LRRC37A: variants seen among roughly 807,000 people sequenced by gnomAD.
The protein encoded by LRRC37A is leucine-rich repeat-containing protein 37A.
LRRC37A carries 3 observed loss-of-function variants against 35.4 expected under a neutral mutation model. The observed-to-expected ratio is 0.08, with a 90% CI of 0.04 to 0.22. LRRC37A has a LOEUF of 0.22. Among genes scored for constraint, LRRC37A ranks in the 10% least tolerant of loss-of-function variants. The probability of loss-of-function intolerance (pLI) is 1.00; values close to 1 mark genes in which losing one functional copy is unlikely to be tolerated. For missense variants in LRRC37A, 67 were observed against 565.3 expected (o/e 0.12, Z 8.94); for synonymous variants, 23 against 215.0 (o/e 0.11, Z 7.81).
chr17:46,289,783 TA>T (rs1327895335), upstream of LRRC37A, among the ~76,000 whole-genome samples: 1 of 152,256 alleles, frequency 6.6e-6, no homozygotes, highest in Non-Finnish European at 1.5e-5. Flanking sequence ...AAAGAGTTTT[TA>T]ATTTTTTTAA....
chr17:46,304,937 C>T (rs867759029), intron 3 of LRRC37A, among the ~76,000 whole-genome samples: 2,658 of 60,730 alleles, frequency 0.044, 47 homozygotes, highest in African/African-American at 0.1. Context: ...GGTGCGATCT[C>T]GGCTCACTGC....
chr17:46,269,244 A>G, the LRRC37A span, among the ~76,000 whole-genome samples: 18,474 of 152,244 alleles, frequency 0.12, no homozygotes, highest in Non-Finnish European at 0.18. Flanking sequence ...TACACTTAAA[A>G]AGTACCAAGC....
the LRRC37A span, among the ~76,000 whole-genome samples, chr17:46,265,369 T>C: frequency 2.7e-5 from 3 of 112,326 alleles, no homozygotes; most frequent in African/African-American, 7.9e-5. Flanking sequence ...TTCTCCTTCT[T>C]CTCCTTCTTC....
the LRRC37A span, among the ~76,000 whole-genome samples, chr17:46,282,723 T>C: frequency 2.0e-5 from 3 of 152,206 alleles, no homozygotes; most frequent in Non-Finnish European, 2.9e-5. Context: ...TGCCTGGCCT[T>C]TCACTTTTAT....
At chr17:46,267,950 G>T in the LRRC37A span, among the ~76,000 whole-genome samples, 2 of 146,572 alleles carry the variant, frequency 1.4e-5, no homozygotes, top group Non-Finnish European at 3.0e-5. Context: ...GCCCAGGCTG[G>T]AGTGCAATGG....
the LRRC37A span, among the ~76,000 whole-genome samples, chr17:46,273,930 A>G: frequency 6.6e-6 from 1 of 152,250 alleles, no homozygotes; most frequent in Non-Finnish European, 1.5e-5. Context: ...GTATCACAGA[A>G]TGTACAGATG....
chr17:46,283,117 CA>C, the LRRC37A span, among the ~76,000 whole-genome samples: 1 of 151,800 alleles, frequency 6.6e-6, no homozygotes, highest in Non-Finnish European at 1.5e-5. Context: ...GACTCCATCT[CA>C]AAAAAATAAA....
chr17:46,282,201 C>CAT, the LRRC37A span, among the ~76,000 whole-genome samples: 1 of 152,122 alleles, frequency 6.6e-6, no homozygotes, highest in Non-Finnish European at 1.5e-5. Context: ...CTCCCGGGTT[C>CAT]ATGCCATTCT....
chr17:46,259,336 G>T, the LRRC37A span, among the ~76,000 whole-genome samples: 2 of 152,288 alleles, frequency 1.3e-5, no homozygotes, highest in African/African-American at 4.8e-5. Context: ...TGGGCTGGGA[G>T]GGGGAGGGCA....
chr17:46,291,799 C>T (rs1484533458), upstream of LRRC37A, among the ~76,000 whole-genome samples: 1 of 151,708 alleles, frequency 6.6e-6, no homozygotes, highest in East Asian at 2.0e-4. Context: ...ACAAAAAACA[C>T]CCCAAAATTA....
chr17:46,258,354 G>A, the LRRC37A span, among the ~76,000 whole-genome samples: 1 of 152,140 alleles, frequency 6.6e-6, no homozygotes, highest in South Asian at 2.1e-4. Context: ...GGGATTACAG[G>A]CGTGTGCCAC....
chr17:46,275,329 G>T, the LRRC37A span: 1 of 856,114 alleles, frequency 1.2e-6, no homozygotes, highest in Non-Finnish European at 1.8e-6. Context: ...ATTTAAAATA[G>T]TTCAGGCAAC....
chr17:46,281,686 C>T, the LRRC37A span, among the ~76,000 whole-genome samples: 1 of 152,168 alleles, frequency 6.6e-6, no homozygotes, highest in Admixed American at 6.5e-5. Context: ...CACTGTCACC[C>T]AGGCTGGAGT....
At chr17:46,285,452 G>C in the LRRC37A span, among the ~76,000 whole-genome samples, 221 of 152,110 alleles carry the variant, frequency 1.5e-3, no homozygotes, top group African/African-American at 5.2e-3. Context: ...ATGTTGGCCA[G>C]TCTGGTCTCA....
At chr17:46,260,656 T>C in the LRRC37A span, 24 of 1,390,546 alleles carry the variant, frequency 1.7e-5, no homozygotes, top group African/African-American at 3.6e-4. Context: ...GTAGTTTCAC[T>C]CTTGTTCTCC....
chr17:46,265,038 A>C, the LRRC37A span, among the ~76,000 whole-genome samples: 19,306 of 151,872 alleles, frequency 0.13, no homozygotes, highest in Middle Eastern at 0.2. Flanking sequence ...TAGTGTTTAT[A>C]TGACTAGTGT....
the LRRC37A span, among the ~76,000 whole-genome samples, chr17:46,276,798 T>C: frequency 5.3e-5 from 8 of 151,592 alleles, no homozygotes; most frequent in African/African-American, 1.9e-4. Context: ...TTCTTTTTTT[T>C]TTTTTTTTTG....
At chr17:46,269,325 G>A in the LRRC37A span, among the ~76,000 whole-genome samples, 3 of 152,276 alleles carry the variant, frequency 2.0e-5, no homozygotes, top group South Asian at 6.2e-4. Context: ...CCTGAGGTCC[G>A]GAGTTCGAGA....
At chr17:46,286,118 G>A in the LRRC37A span, among the ~76,000 whole-genome samples, 3 of 152,244 alleles carry the variant, frequency 2.0e-5, no homozygotes, top group African/African-American at 7.2e-5. Context: ...GGAAATGTGA[G>A]TTCAAAACAG....
Sources: gnomAD v4.1 joint callset for allele counts (sites outside exome capture counted in the v4.1 genomes callset) on GRCh38, gnomAD v4.1.1 for gene constraint, MANE v1.5 for transcripts, NCBI Gene and HGNC (gene_info 2026-07-23, HGNC 2026-07-21) for gene names.